Variants in SLC44A5 observed in about 807,000 individuals in gnomAD.
SLC44A5 encodes the protein solute carrier family 44 member 5, also known as choline transporter-like protein 5.
SLC44A5 carries 57 observed loss-of-function variants against 101.8 expected under a neutral mutation model. That is an observed-to-expected ratio of 0.56 (90% confidence interval 0.45 to 0.70). SLC44A5 has a LOEUF of 0.70. SLC44A5 is among the 30% of genes least tolerant of loss of function. SLC44A5 has a pLI of 0.00. For missense variants in SLC44A5, 737 were observed against 853.1 expected (o/e 0.86, Z 1.70); for synonymous variants, 281 against 290.9 (o/e 0.97, Z 0.35).
chr1:75,478,439 G>A (rs1000758931), intron 2 of SLC44A5, among the ~76,000 whole-genome samples: 1 of 152,092 alleles, frequency 6.6e-6, no homozygotes, highest in African/African-American at 2.4e-5. Flanking sequence ...ATGCTCCAAT[G>A]GAAAGACACA....
intron 2 of SLC44A5, among the ~76,000 whole-genome samples, chr1:75,489,971 TG>T (rs1668349263): frequency 6.6e-6 from 1 of 152,134 alleles, no homozygotes; most frequent in Non-Finnish European, 1.5e-5. Context: ...CTTAGGTATT[TG>T]ATCTCCAATA....
intron 6 of SLC44A5, among the ~76,000 whole-genome samples, chr1:75,263,971 G>A (rs1387911312): frequency 4.6e-5 from 7 of 151,908 alleles, no homozygotes; most frequent in Admixed American, 2.0e-4. Context: ...CACACACTGG[G>A]GCCTGTTGGG....
intron 1 of SLC44A5, among the ~76,000 whole-genome samples, chr1:75,578,999 ATATAT>A (rs1269977903): frequency 2.0e-5 from 3 of 152,226 alleles, no homozygotes; most frequent in African/African-American, 7.2e-5. Context: ...AAAATGGAAC[ATATAT>A]TATAAATATT....
chr1:75,398,487 A>G lies in SLC44A5; in HGVS notation c.14-1866T>C, dbSNP rs1035359830. On this transcript the variant is annotated intron_variant, in intron 2 of 23. Transcript: ENST00000370859. ...GTAGGTGTTTCACAGATGAAGTTAA[A>G]TCCTCTTAACAACCATACACTGTAT... 1.3e-5 allele frequency: 9 copies of G among 694,732 alleles called. No individual in the cohort carries two copies. The African/African-American group carries it at 1.7e-4, about 13-fold the overall frequency. 43.0% of individuals were successfully genotyped at this position (694,732 alleles called of 1,614,324 possible). A position where few individuals can be genotyped will look rare whatever the true frequency, so the allele number is the denominator to read the frequency against.
intron 15 of SLC44A5, 96 bp downstream of exon 15, chr1:75,219,704 C>T: frequency 3.9e-6 from 3 of 761,116 alleles, no homozygotes; most frequent in Non-Finnish European, 6.6e-6. Flanking sequence ...GTACATTCCT[C>T]ATCTTCCCAG....
intron 5 of SLC44A5, among the ~76,000 whole-genome samples, chr1:75,281,378 G>C (rs923299176): frequency 1.3e-5 from 2 of 152,062 alleles, no homozygotes; most frequent in Non-Finnish European, 2.9e-5. Flanking sequence ...TTTCTAAGCA[G>C]CAAAACGTTC....
intron 3 of SLC44A5, among the ~76,000 whole-genome samples, chr1:75,386,716 G>T (rs1212471921): frequency 1.3e-5 from 2 of 151,624 alleles, no homozygotes; most frequent in South Asian, 2.1e-4. Context: ...CTACTTTAAA[G>T]TTCATATGGA....
In SLC44A5 at chr1:75,219,281, A is replaced by G. The variant is rs1647026893; in HGVS notation, c.1242T>C (p.His414=). The G allele has an allele frequency of 1.2e-6, 2 of 1,612,928 alleles. No individual in the cohort carries two copies. The highest frequency in any genetic ancestry group is 1.7e-6 in the Non-Finnish European group (2 of 1,179,034). ...KVIAPGGHCI[H]ENQTCDPEIF... ...CCTCTGGGTCACAGGTTTGATTTTCATGTATACAATGCCCCCCTGGAGCTA... is the reference window on the plus strand; with the variant it reads ...CCTCTGGGTCACAGGTTTGATTTTCGTGTATACAATGCCCCCCTGGAGCTA... Residue 414 remains histidine, a synonymous_variant, in exon 16 of 24, where the codon CAT becomes CAC. Coordinates refer to ENST00000370859, the MANE Select transcript of SLC44A5 (RefSeq NM_001130058.2).
intron 13 of SLC44A5, among the ~76,000 whole-genome samples, chr1:75,225,349 T>C (rs1265975057): frequency 6.6e-6 from 1 of 152,194 alleles, no homozygotes; most frequent in Non-Finnish European, 1.5e-5. Flanking sequence ...CTCTATGATG[T>C]TTACACAATG....
chr1:75,716,578 A>C, the SLC44A5 span, among the ~76,000 whole-genome samples: 1 of 152,234 alleles, frequency 6.6e-6, no homozygotes, highest in Admixed American at 6.5e-5. Context: ...CAAAGAACTC[A>C]ATACAGAATT....
chr1:75,692,604 T>C, the SLC44A5 span, among the ~76,000 whole-genome samples: 4 of 152,184 alleles, frequency 2.6e-5, no homozygotes, highest in African/African-American at 9.7e-5. Flanking sequence ...CATGTGCTGG[T>C]AAATTGTTTG....
intron 1 of SLC44A5, among the ~76,000 whole-genome samples, chr1:75,589,866 A>G (rs1674245794): frequency 6.6e-6 from 1 of 152,134 alleles, no homozygotes; most frequent in South Asian, 2.1e-4. Flanking sequence ...GAGCATTTAA[A>G]CTAGCCCTAG....
At chr1:75,358,300 A>G (rs1659230280) in intron 3 of SLC44A5, among the ~76,000 whole-genome samples, 1 of 152,278 alleles carries the variant, frequency 6.6e-6, no homozygotes, top group Middle Eastern at 3.4e-3. Context: ...AAGATGTTTG[A>G]TAAGTGTGCA....
chr1:75,706,665 G>A, the SLC44A5 span, among the ~76,000 whole-genome samples: 2 of 151,874 alleles, frequency 1.3e-5, no homozygotes, highest in African/African-American at 2.4e-5. Flanking sequence ...GTTTTGCCTT[G>A]TGATTCTTGC....
the SLC44A5 span, among the ~76,000 whole-genome samples, chr1:75,664,238 A>G: frequency 3.3e-5 from 5 of 152,132 alleles, no homozygotes; most frequent in Admixed American, 3.3e-4. Context: ...TCCCCTTGAG[A>G]AGAGAACTGG....
chr1:75,361,905 G>C (rs956033857), intron 3 of SLC44A5, among the ~76,000 whole-genome samples: 1 of 151,918 alleles, frequency 6.6e-6, no homozygotes, highest in Admixed American at 6.6e-5. Context: ...TTTTGAAACA[G>C]TTTGTGAAGA....
chr1:75,588,600 T>C (rs1465930331), intron 1 of SLC44A5, among the ~76,000 whole-genome samples: 1 of 152,152 alleles, frequency 6.6e-6, no homozygotes, highest in Non-Finnish European at 1.5e-5. Flanking sequence ...GAGATAGATG[T>C]TTTTTAAAAT....
chr1:75,601,597 T>C (rs1449746606), intron 1 of SLC44A5, among the ~76,000 whole-genome samples: 1 of 152,036 alleles, frequency 6.6e-6, no homozygotes, highest in Non-Finnish European at 1.5e-5. Context: ...TGCCAGCCAA[T>C]ATTATAACAG....
chr1:75,288,639 T>G (rs1275253981), intron 5 of SLC44A5, among the ~76,000 whole-genome samples: 1 of 152,182 alleles, frequency 6.6e-6, no homozygotes. Flanking sequence ...TGTTAGTGTA[T>G]TCTCTTAAGC....
Sources: allele counts gnomAD v4.1 joint callset (sites outside exome capture counted in the v4.1 genomes callset), GRCh38; gene constraint gnomAD v4.1.1; transcripts MANE v1.5; gene names NCBI Gene and HGNC (gene_info 2026-07-23, HGNC 2026-07-21).